The following RUNX1T1 variants were observed in gnomAD, a reference collection of about 807,000 sequenced individuals.
RUNX1T1 encodes RUNX1 partner transcriptional co-repressor 1.
Under a neutral mutation model 62.8 loss-of-function variants are expected in RUNX1T1, and 4 were observed. The observed-to-expected ratio is 0.06, with a 90% confidence interval of 0.03 to 0.15. The LOEUF (loss-of-function observed/expected upper bound fraction) is 0.15, where lower values mean the gene tolerates loss of function less well. RUNX1T1 is among the 10% of genes least tolerant of loss of function. The pLI is 1.00. For synonymous variants in RUNX1T1, 291 were observed against 286.0 expected, an observed-to-expected ratio of 1.02 and a Z score of -0.18; for missense variants, 508 against 754.3, an observed-to-expected ratio of 0.67 and a Z score of 3.82.
intron 1 of RUNX1T1, among the ~76,000 whole-genome samples, chr8:92,038,892 T>A (rs1351108086): frequency 6.6e-6 from 1 of 152,050 alleles, no homozygotes; most frequent in East Asian, 1.9e-4. Flanking sequence ...TTCAACTTGT[T>A]TGGCCCTAAC....
chr8:91,956,347 G>A, downstream of RUNX1T1: 1 of 230,344 alleles, frequency 4.3e-6, no homozygotes, highest in Non-Finnish European at 8.6e-6. Flanking sequence ...TACTCAACAC[G>A]CATGGATAAG....
At position 91,975,521 on chromosome 8, in the gene RUNX1T1, A is replaced by G. The variant is rs1187541385; in HGVS notation, c.1267+384T>C. ...TTTTGGATGCAGGAGAAAAGGCTGAAGTATGCAATTTAATTTCTAAGACAC... is the reference window on the plus strand; with the variant it reads ...TTTTGGATGCAGGAGAAAAGGCTGAGGTATGCAATTTAATTTCTAAGACAC... On this transcript the variant is annotated intron_variant, in intron 9 of 10. Coordinates refer to ENST00000396218, the Ensembl canonical transcript of RUNX1T1. Among the ~76,000 whole-genome samples, 4 of 151,920 alleles carry G rather than the reference A, an allele frequency of 2.6e-5. No homozygotes were observed. In the East Asian group the frequency reaches 7.7e-4, roughly 29 times the overall value.
intron 4 of RUNX1T1, chr8:92,010,714 C>T (rs1374499556): frequency 1.3e-5 from 3 of 239,424 alleles, no homozygotes; most frequent in Non-Finnish European, 2.4e-5. Context: ...TAAAGACAAG[C>T]AAAATGTAAA....
intron 1 of RUNX1T1, among the ~76,000 whole-genome samples, chr8:92,057,706 A>T (rs1751260800): frequency 6.6e-6 from 1 of 152,170 alleles, no homozygotes; most frequent in South Asian, 2.1e-4. Context: ...ATTAATGCAA[A>T]CAGCTGTTTG....
At chr8:92,069,278 T>C (rs1366435949) in intron 2 of RUNX1T1, among the ~76,000 whole-genome samples, 1 of 152,184 alleles carries the variant, frequency 6.6e-6, no homozygotes, top group Non-Finnish European at 1.5e-5. Flanking sequence ...TAAACTATTT[T>C]ACACAGCAAC....
At chr8:91,984,836 C>T (rs1257530924) in intron 8 of RUNX1T1, among the ~76,000 whole-genome samples, 1 of 152,126 alleles carries the variant, frequency 6.6e-6, no homozygotes, top group Non-Finnish European at 1.5e-5. Context: ...GTTTTCGTTG[C>T]TTGCCTTAAT....
intron 1 of RUNX1T1, among the ~76,000 whole-genome samples, chr8:92,039,636 C>G (rs1178141817): frequency 1.3e-5 from 2 of 152,194 alleles, no homozygotes; most frequent in Non-Finnish European, 2.9e-5. Flanking sequence ...TTGAGTATCT[C>G]TGCACTAATA....
intron 10 of RUNX1T1, among the ~76,000 whole-genome samples, chr8:91,963,608 C>T (rs1027772904): frequency 6.6e-6 from 1 of 152,160 alleles, no homozygotes; most frequent in Non-Finnish European, 1.5e-5. Context: ...CTGGAAACAG[C>T]GGAAGGTGCA....
chr8:92,032,691 A>G (rs79017604), intron 1 of RUNX1T1, among the ~76,000 whole-genome samples: 2,183 of 152,294 alleles, frequency 0.014, 57 homozygotes, highest in African/African-American at 0.049. Flanking sequence ...AGGAAGGAAG[A>G]TCACTTGGGC....
chr8:91,987,241 C>T (rs1419019477), intron 6 of RUNX1T1, among the ~76,000 whole-genome samples: 1 of 152,154 alleles, frequency 6.6e-6, no homozygotes, highest in African/African-American at 2.4e-5. Flanking sequence ...ACCAACTCCA[C>T]AACTAGTTAT....
At chr8:92,080,935 C>T (rs1587526200) in intron 1 of RUNX1T1, among the ~76,000 whole-genome samples, 1 of 152,286 alleles carries the variant, frequency 6.6e-6, no homozygotes, top group African/African-American at 2.4e-5. Context: ...AGTTAACAAA[C>T]CAGGCAATTT....
rs1028628762 is a variant in RUNX1T1, at chr8:92,059,953, G to A, written c.7+2593C>T. On this transcript the variant is annotated intron_variant, in intron 1 of 10. Transcript: ENST00000396218. ...AAAAGCACTATTTCTGGGCTACAGG[G>A]ACTGTGCTCACTTATTGTCCTTTTA... Among the ~76,000 whole-genome samples the A allele has an allele frequency of 3.9e-5, 6 of 152,130 alleles. No individual in the cohort carries two copies. The South Asian group carries it at 8.3e-4, about 21-fold the overall frequency.
At chr8:91,991,433 T>A (rs1817652092) in intron 6 of RUNX1T1, among the ~76,000 whole-genome samples, 1 of 152,138 alleles carries the variant, frequency 6.6e-6, no homozygotes, top group Admixed American at 6.5e-5. Context: ...TCTTAAAGAA[T>A]ACAAGTGATT....
At chr8:92,010,519 T>A (rs572739404) in intron 4 of RUNX1T1, 1 of 152,406 alleles carries the variant, frequency 6.6e-6, no homozygotes, top group Non-Finnish European at 1.5e-5. Flanking sequence ...TAAAAACCAT[T>A]TCGAATCCCA....
At chr8:91,992,841 T>C (rs946144305) in intron 5 of RUNX1T1, among the ~76,000 whole-genome samples, 4 of 152,214 alleles carry the variant, frequency 2.6e-5, no homozygotes, top group South Asian at 2.1e-4. Flanking sequence ...GAATGCATTC[T>C]ATAAATAAGA....
Position 91,965,631 on chromosome 8 carries a change from C to T in RUNX1T1, c.1458+5027G>A, listed in dbSNP as rs527988491. 2.1e-3 allele frequency among the ~76,000 whole-genome samples: 327 copies of T among 152,224 alleles called. 3 individuals are homozygous for T. Among genetic ancestry groups the T allele is most frequent in the Non-Finnish European group, 3.0e-3 (204 of 68,006 alleles). The stretch of plus-strand genomic sequence containing the variant: ...CAGGATGCTCCTCTAAGTCAGTATT[C>T]CCTAAACCCAACTCTGGTGGGTCCA... On this transcript the variant is annotated intron_variant, in intron 10 of 10. Coordinates refer to ENST00000396218, the Ensembl canonical transcript of RUNX1T1.
chr8:92,052,654 T>A (rs1830412948), intron 1 of RUNX1T1, among the ~76,000 whole-genome samples: 1 of 152,224 alleles, frequency 6.6e-6, no homozygotes, highest in Non-Finnish European at 1.5e-5. Flanking sequence ...TCCACTTGAA[T>A]ATGCTTAAGA....
intron 1 of RUNX1T1, among the ~76,000 whole-genome samples, chr8:92,057,469 GA>G (rs1831224322): frequency 6.6e-6 from 1 of 152,184 alleles, no homozygotes. Context: ...AAGCTGTAGT[GA>G]AAATCAGAAA....
intron 1 of RUNX1T1, among the ~76,000 whole-genome samples, chr8:92,042,928 CAA>C (rs34129207): frequency 6.6e-6 from 1 of 152,074 alleles, no homozygotes; most frequent in Admixed American, 6.5e-5. Flanking sequence ...GTCAGTTACC[CAA>C]AAAAGACTTG....
Sources: allele counts gnomAD v4.1 joint callset (sites outside exome capture counted in the v4.1 genomes callset), GRCh38; gene constraint gnomAD v4.1.1; transcripts MANE v1.5; gene names NCBI Gene and HGNC (gene_info 2026-07-23, HGNC 2026-07-21).